Variants in CNNM2 observed in about 807,000 individuals in gnomAD.
The protein encoded by CNNM2 is cyclin and CBS domain divalent metal cation transport mediator 2, also known as metal transporter CNNM2.
CNNM2 carries 12 observed loss-of-function variants against 66.9 expected under a neutral mutation model. The ratio of observed to expected loss-of-function variants is 0.18; its 90% CI spans 0.11 to 0.29. The LOEUF is 0.29. Ranked by LOEUF, CNNM2 falls within the 10% of genes least tolerant of loss-of-function variation. The pLI, the probability that CNNM2 is intolerant of heterozygous loss-of-function variation, is 1.00. For synonymous variants in CNNM2, 557 were observed against 501.8 expected (o/e 1.11, Z -1.47); for missense variants, 705 against 1,167.7 (o/e 0.60, Z 5.77).
intron 1 of CNNM2, among the ~76,000 whole-genome samples, chr10:103,044,494 T>C (rs1013098257): frequency 1.3e-5 from 2 of 151,890 alleles, no homozygotes; most frequent in Non-Finnish European, 2.9e-5. Flanking sequence ...AGTTCAAGGC[T>C]GCAGTGAGCT....
At chr10:102,978,315 A>T (rs1369875099) in intron 1 of CNNM2, among the ~76,000 whole-genome samples, 3 of 150,632 alleles carry the variant, frequency 2.0e-5, no homozygotes, top group African/African-American at 7.3e-5. Context: ...GCAAATCTAT[A>T]CTTGCTGCCA....
At chr10:103,042,720 T>G (rs2065063350) in intron 1 of CNNM2, among the ~76,000 whole-genome samples, 1 of 152,252 alleles carries the variant, frequency 6.6e-6, no homozygotes, top group Non-Finnish European at 1.5e-5. Context: ...TCTCACTTGA[T>G]CAGTTTGTTC....
In CNNM2 at chr10:103,057,218, A is replaced by G. The variant is rs1213227014; in HGVS notation, c.2073+254A>G. Among the ~76,000 whole-genome samples, 3 of 152,156 alleles carry G rather than the reference A, an allele frequency of 2.0e-5. No individual in the cohort carries two copies. The East Asian group carries it at 5.8e-4, about 29-fold the overall frequency. On this transcript the variant is annotated intron_variant, in intron 4 of 7. Transcript: ENST00000369878. ...TGCAGTGGCACATACCTGTCATTCC[A>G]CCACTTTGAGAGGCCAAGGTGGGAG...
At chr10:103,035,156 T>C (rs2064912347) in intron 1 of CNNM2, among the ~76,000 whole-genome samples, 2 of 152,060 alleles carry the variant, frequency 1.3e-5, no homozygotes, top group South Asian at 4.1e-4. Context: ...ATTGGATATA[T>C]TGGAATTCTA....
intron 1 of CNNM2, among the ~76,000 whole-genome samples, chr10:102,972,432 C>G (rs1012457724): frequency 6.6e-6 from 1 of 152,014 alleles, no homozygotes; most frequent in Non-Finnish European, 1.5e-5. Context: ...GTCAGGAGAT[C>G]AAGACCATCC....
chr10:103,076,320 T>G, intron 7 of CNNM2, 50 bp downstream of exon 7: 4 of 1,519,302 alleles, frequency 2.6e-6, no homozygotes, highest in Non-Finnish European at 3.6e-6. Context: ...AGTTGTCAAC[T>G]TCCCTGGCAA....
intron 1 of CNNM2, among the ~76,000 whole-genome samples, chr10:102,932,586 A>G (rs548652314): frequency 2.6e-5 from 4 of 152,204 alleles, no homozygotes; most frequent in East Asian, 3.9e-4. Context: ...TGAAAATACT[A>G]TTCTTTCTCC....
At chr10:103,040,459 C>T (rs2065019939) in intron 1 of CNNM2, among the ~76,000 whole-genome samples, 1 of 151,992 alleles carries the variant, frequency 6.6e-6, no homozygotes, top group Admixed American at 6.6e-5. Context: ...GCCCTAGGAA[C>T]ATTTTCTCCT....
intron 1 of CNNM2, among the ~76,000 whole-genome samples, chr10:102,927,061 G>A (rs1198957701): frequency 1.3e-5 from 2 of 151,950 alleles, no homozygotes; most frequent in Admixed American, 1.3e-4. Context: ...TTACAAGCGT[G>A]AGCCACCACA....
rs978450227 is a variant in CNNM2 at position 103,077,175 on chromosome 10, A to G, written c.2623A>G (p.Ile875Val). The G allele has an allele frequency of 1.2e-6, 2 of 1,612,334 alleles. No individual in the cohort carries two copies. The change falls in exon 8 of 8, where the codon ATC becomes GTC. Residue 875 changes from isoleucine to valine, a missense_variant. Physicochemically the swap from Ile to Val is conservative, Grantham distance 29. Coordinates refer to ENST00000369878, the MANE Select transcript of CNNM2 (RefSeq NM_017649.5). Reference sequence around the variant, plus strand: ...CCACAGCCTGCACAACGAAGGCGCCATCTAGGCCGCGCTGGCTGCACCCGC... The same window carrying G: ...CCACAGCCTGCACAACGAAGGCGCCGTCTAGGCCGCGCTGGCTGCACCCGC... ...ANHSLHNEGA[I>V]
intron 1 of CNNM2, among the ~76,000 whole-genome samples, chr10:103,029,588 CACGG>C (rs2064782029): frequency 6.6e-6 from 1 of 152,102 alleles, no homozygotes; most frequent in Admixed American, 6.5e-5. Flanking sequence ...AGGAGCCAGG[CACGG>C]TGGCTCACGC....
chr10:102,998,768 C>T (rs913204231), intron 1 of CNNM2, among the ~76,000 whole-genome samples: 6 of 152,126 alleles, frequency 3.9e-5, no homozygotes, highest in Non-Finnish European at 7.4e-5. Context: ...GCTTGAGAAC[C>T]AGGAGTTTGA....
rs768606756 is a variant in CNNM2 at position 102,918,480 on chromosome 10, T to G, written c.-1T>G. 4.7e-5 allele frequency: 75 copies of G among 1,605,526 alleles called. No homozygotes were observed. The highest frequency in any genetic ancestry group is 4.5e-5 in the Non-Finnish European group (53 of 1,177,910). On this transcript the variant is annotated 5_prime_UTR_variant, in exon 1 of 8. Transcript: ENST00000369878. This position sits in a 1 kb window ranked among gnomAD's most constrained non-coding sequence, Gnocchi z 4.1. ...GAAGCCGCAGCTGGAGCAGCCACCC[T>G]ATGATTGGCTGTGGCGCTTGTGAAC...
chr10:102,948,705 G>A (rs1846711145), intron 1 of CNNM2, among the ~76,000 whole-genome samples: 1 of 152,158 alleles, frequency 6.6e-6, no homozygotes, highest in Non-Finnish European at 1.5e-5. Flanking sequence ...CTTCTGTGTG[G>A]AAAATCTTTT....
chr10:102,949,455 A>G (rs1275969646), intron 1 of CNNM2, among the ~76,000 whole-genome samples: 1 of 151,042 alleles, frequency 6.6e-6, no homozygotes, highest in Non-Finnish European at 1.5e-5. Context: ...GATTACAGGC[A>G]TGAGCCACCA....
chr10:102,963,300 C>G (rs1259047568), intron 1 of CNNM2, among the ~76,000 whole-genome samples: 1 of 152,212 alleles, frequency 6.6e-6, no homozygotes, highest in Non-Finnish European at 1.5e-5. Flanking sequence ...ACCACCACCC[C>G]CTTTCCTTGG....
intron 1 of CNNM2, among the ~76,000 whole-genome samples, chr10:102,999,480 T>G (rs1295608902): frequency 1.3e-5 from 2 of 152,080 alleles, no homozygotes; most frequent in Non-Finnish European, 2.9e-5. Flanking sequence ...AATTAAAAAT[T>G]TCAAAACTTG....
In CNNM2 at chr10:102,973,520, T is replaced by G. The variant is rs7096044; in HGVS notation, c.1621+53419T>G. On this transcript the variant is annotated intron_variant, in intron 1 of 7. Transcript: ENST00000369878. The stretch of plus-strand genomic sequence containing the variant: ...TAATTTTCTGTGTGTGTGTGTGTGT[T>G]TTTTTTTTTTTTGGTAGAGACAAGG... Among the ~76,000 whole-genome samples, 2,162 of 116,302 alleles carry G rather than the reference T, an allele frequency of 0.019. 50 individuals are homozygous for G. Among genetic ancestry groups the G allele is most frequent in the African/African-American group, 0.055 (1,942 of 35,114 alleles). The allele number at this position is 116,302 out of a possible 152,430, so 76.3% of individuals were successfully genotyped here.
chr10:103,030,676 C>T (rs931904157), intron 1 of CNNM2, among the ~76,000 whole-genome samples: 2 of 152,154 alleles, frequency 1.3e-5, no homozygotes, highest in African/African-American at 4.8e-5. Flanking sequence ...CCACTGCACT[C>T]CAGCCTGGGC....
Sources: allele counts gnomAD v4.1 joint callset (sites outside exome capture counted in the v4.1 genomes callset), GRCh38; gene constraint gnomAD v4.1.1; non-coding constraint Gnocchi (gnomAD v3.1); transcripts MANE v1.5; gene names NCBI Gene and HGNC (gene_info 2026-07-23, HGNC 2026-07-21).